DNAJB13: variants seen among roughly 807,000 people sequenced by gnomAD.
The protein encoded by DNAJB13 is DnaJ heat shock protein family (Hsp40) member B13, also known as dnaJ homolog subfamily B member 13.
DNAJB13 carries 22 observed loss-of-function variants against 35.6 expected under a neutral mutation model. That is an observed-to-expected ratio of 0.62 (90% CI 0.44 to 0.88). The LOEUF is 0.88. DNAJB13 is among the 40% of genes least tolerant of loss of function. The pLI is 0.00. For synonymous variants in DNAJB13, 136 were observed against 144.2 expected (o/e 0.94, Z 0.41); for missense variants, 370 against 384.3 (o/e 0.96, Z 0.31).
At chr11:73,956,010 A>T (rs1354697359) in intron 1 of DNAJB13, among the ~76,000 whole-genome samples, 4 of 152,188 alleles carry the variant, frequency 2.6e-5, no homozygotes, top group Non-Finnish European at 4.4e-5. Flanking sequence ...ATTGCCTAAA[A>T]GTCAGAGCCA....
intron 1 of DNAJB13, among the ~76,000 whole-genome samples, chr11:73,954,547 G>A (rs1950681287): frequency 1.4e-5 from 2 of 145,012 alleles, no homozygotes; most frequent in Admixed American, 6.9e-5. Flanking sequence ...GGAGAATGGC[G>A]TGAACCTGGG....
At chr11:73,954,337 TAAAAA>T (rs1200832224) in intron 1 of DNAJB13, among the ~76,000 whole-genome samples, 1 of 111,332 alleles carries the variant, frequency 9.0e-6, no homozygotes, top group East Asian at 2.6e-4. Context: ...AAAAAATAAA[TAAAAA>T]AAAGTAGGCC....
chr11:73,957,826 G>C (rs1207825465), intron 1 of DNAJB13, among the ~76,000 whole-genome samples: 1 of 152,216 alleles, frequency 6.6e-6, no homozygotes, highest in Non-Finnish European at 1.5e-5. Context: ...GATTAGATGA[G>C]CAGGAAATGC....
At chr11:73,957,052 G>C (rs543547061) in intron 1 of DNAJB13, among the ~76,000 whole-genome samples, 1 of 152,102 alleles carries the variant, frequency 6.6e-6, no homozygotes, top group East Asian at 1.9e-4. Flanking sequence ...GGGGGGTCAC[G>C]CCTGGGCTGA....
intron 3 of DNAJB13, among the ~76,000 whole-genome samples, chr11:73,961,845 A>G (rs1490536777): frequency 6.6e-6 from 1 of 152,214 alleles, no homozygotes; most frequent in Non-Finnish European, 1.5e-5. Flanking sequence ...GCTGGAGTGC[A>G]GTGGCACAAT....
chr11:73,965,281 T>C (rs1951078001), intron 4 of DNAJB13: 1 of 367,678 alleles, frequency 2.7e-6, no homozygotes, highest in Admixed American at 4.4e-5. Context: ...GACAGGCTCT[T>C]TCCCTTCCTT....
intron 4 of DNAJB13, chr11:73,965,805 T>C (rs755128559): frequency 2.3e-5 from 6 of 256,004 alleles, no homozygotes; most frequent in Non-Finnish European, 4.6e-5. Context: ...TATCTGTTAG[T>C]GGCCAGGGCT....
intron 3 of DNAJB13, among the ~76,000 whole-genome samples, chr11:73,960,601 C>G (rs868842591): frequency 6.6e-6 from 1 of 152,204 alleles, no homozygotes; most frequent in Non-Finnish European, 1.5e-5. Context: ...GGATTACAGG[C>G]ATGAGCCACC....
At chr11:73,966,845 A>AAT (rs1554993054) in intron 5 of DNAJB13, among the ~76,000 whole-genome samples, 1 of 98,242 alleles carries the variant, frequency 1.0e-5, no homozygotes, top group Non-Finnish European at 1.9e-5. Context: ...CGCCCAGCTA[A>AAT]TTTTTTTTTT....
chr11:73,962,527 G>A (rs563471922), intron 3 of DNAJB13, among the ~76,000 whole-genome samples: 1 of 152,228 alleles, frequency 6.6e-6, no homozygotes, highest in Non-Finnish European at 1.5e-5. Context: ...GTGATTCCAG[G>A]TCTGAGACAA....
At chr11:73,959,384 T>A in intron 2 of DNAJB13, 110 bp from the exon 3 acceptor site, 1 of 1,269,976 alleles carries the variant, frequency 7.9e-7, no homozygotes, top group Non-Finnish European at 1.1e-6. Flanking sequence ...CACTTTGGGA[T>A]CAGGCTGCTT....
chr11:73,956,198 CA>C, intron 1 of DNAJB13, among the ~76,000 whole-genome samples: 1 of 152,192 alleles, frequency 6.6e-6, no homozygotes, highest in African/African-American at 2.4e-5. Context: ...GGACAAGGAT[CA>C]AAGGTGCTGG....
chr11:73,965,744 G>C (rs1312042344), intron 4 of DNAJB13: 5 of 183,084 alleles, frequency 2.7e-5, no homozygotes, highest in African/African-American at 1.2e-4. Context: ...TGGAGGCTCA[G>C]GGCCGGGCCT....
intron 4 of DNAJB13, 130 bp downstream of exon 4, chr11:73,965,165 C>A: frequency 9.5e-7 from 1 of 1,053,864 alleles, no homozygotes; most frequent in Non-Finnish European, 1.3e-6. Flanking sequence ...GATTCAGAGA[C>A]CTAGGATGTT....
chr11:73,968,797 CTT>C (rs1951198728), intron 6 of DNAJB13, among the ~76,000 whole-genome samples: 1 of 152,194 alleles, frequency 6.6e-6, no homozygotes, highest in South Asian at 2.1e-4. Flanking sequence ...CTGCTTACTC[CTT>C]CCCCTGCACT....
intron 2 of DNAJB13, 54 bp from the exon 3 acceptor site, chr11:73,959,440 A>T: frequency 6.4e-7 from 1 of 1,574,114 alleles, no homozygotes; most frequent in Non-Finnish European, 8.7e-7. Flanking sequence ...CAGCCCCTCC[A>T]CCTATCTCAG....
intron 1 of DNAJB13, among the ~76,000 whole-genome samples, chr11:73,954,298 C>T (rs1220131823): frequency 5.3e-5 from 8 of 150,744 alleles, no homozygotes; most frequent in African/African-American, 1.7e-4. Flanking sequence ...TGCACTCCAG[C>T]CTGGGTGACA....
At position 73,965,050 on chromosome 11, in the gene DNAJB13, T is replaced by A. The variant is rs1292816932; in HGVS notation, c.492+15T>A. The stretch of plus-strand genomic sequence containing the variant: ...TCTCCAGAAGGGTGAGTACTCAGCT[T>A]GCTCCTCCCGGGAGCCACCTATCTC... On this transcript the variant is annotated intron_variant, in intron 4 of 7. Transcript: ENST00000339764. 1.3e-6 allele frequency: 2 copies of A among 1,549,352 alleles called. No individual in the cohort carries two copies. Among genetic ancestry groups the A allele is most frequent in the East Asian group, 4.5e-5 (2 of 44,280 alleles).
chr11:73,968,003 C>G, intron 5 of DNAJB13: 1 of 448,280 alleles, frequency 2.2e-6, no homozygotes, highest in South Asian at 5.5e-5. Context: ...GGTGTCATGC[C>G]TGGAGTTACT....
Sources: allele counts gnomAD v4.1 joint callset (sites outside exome capture counted in the v4.1 genomes callset), GRCh38; gene constraint gnomAD v4.1.1; transcripts MANE v1.5; gene names NCBI Gene and HGNC (gene_info 2026-07-23, HGNC 2026-07-21).